Variants in RBM33 observed in about 807,000 individuals in gnomAD.
The protein encoded by RBM33 is RNA-binding protein 33.
Under a neutral mutation model 132.6 loss-of-function variants are expected in RBM33, and 28 were observed. That is an observed-to-expected ratio of 0.21 (90% confidence interval 0.16 to 0.29). The LOEUF (loss-of-function observed/expected upper bound fraction) is 0.29, where lower values mean the gene tolerates loss of function less well. Ranked by LOEUF, RBM33 falls within the 10% of genes least tolerant of loss-of-function variation. The pLI, the probability that RBM33 is intolerant of heterozygous loss-of-function variation, is 1.00. For synonymous variants in RBM33, 634 were observed against 593.0 expected (o/e 1.07, Z -1.01); for missense variants, 1,291 against 1,518.5 (o/e 0.85, Z 2.49).
chr7:155,743,653 T>C lies in RBM33; in HGVS notation c.2338-1308T>C, dbSNP rs1801422253. On this transcript the variant is annotated intron_variant, in intron 13 of 17. Transcript: ENST00000401878. The stretch of plus-strand genomic sequence containing the variant: ...GTTTTGCTTAGCTAAATGTGACTTA[T>C]TTTCGTATGTTCACCCCTCTTGATG... Among the ~76,000 whole-genome samples, 4 of 152,242 alleles carry C rather than the reference T, an allele frequency of 2.6e-5. No individual in the cohort carries two copies. The South Asian group carries it at 8.3e-4, about 32-fold the overall frequency.
At chr7:155,664,409 C>T (rs1027911928) in intron 1 of RBM33, among the ~76,000 whole-genome samples, 4 of 151,660 alleles carry the variant, frequency 2.6e-5, no homozygotes, top group African/African-American at 9.7e-5. Context: ...TACGGACGTG[C>T]ACCTCCGTGC....
At chr7:155,685,089 C>T (rs910461393) in intron 5 of RBM33, 2 of 1,540,692 alleles carry the variant, frequency 1.3e-6, no homozygotes, top group Admixed American at 4.0e-5. Context: ...AAAAAGTTTG[C>T]TGTTTCCCTC....
chr7:155,754,436 G>T (rs1443704191), intron 14 of RBM33, among the ~76,000 whole-genome samples: 2 of 152,192 alleles, frequency 1.3e-5, no homozygotes, highest in Non-Finnish European at 2.9e-5. Context: ...ACTTTTCAGA[G>T]CCTGGGGCTG....
At chr7:155,694,489 ATGTAAAG>A (rs1345545258) in intron 5 of RBM33, among the ~76,000 whole-genome samples, 1 of 152,260 alleles carries the variant, frequency 6.6e-6, no homozygotes, top group Non-Finnish European at 1.5e-5. Flanking sequence ...ATAAGCATAG[ATGTAAAG>A]TGTACAGTAA....
chr7:155,742,711 T>TG (rs1457573618), intron 13 of RBM33, among the ~76,000 whole-genome samples: 2 of 152,242 alleles, frequency 1.3e-5, no homozygotes, highest in African/African-American at 4.8e-5. Flanking sequence ...TATATGTTGT[T>TG]GCTGTTGTTC....
intron 1 of RBM33, among the ~76,000 whole-genome samples, chr7:155,663,501 C>T (rs1798713125): frequency 6.6e-6 from 1 of 152,084 alleles, no homozygotes. Flanking sequence ...TTTACAACAA[C>T]CAGATATCCA....
chr7:155,664,682 C>T (rs1027550948), intron 1 of RBM33, among the ~76,000 whole-genome samples: 3 of 152,186 alleles, frequency 2.0e-5, no homozygotes, highest in Admixed American at 6.5e-5. Flanking sequence ...AATGTGGCTA[C>T]TAGAAAACCT....
intron 14 of RBM33, among the ~76,000 whole-genome samples, chr7:155,759,641 G>A (rs555628986): frequency 3.3e-5 from 5 of 151,946 alleles, no homozygotes; most frequent in South Asian, 2.1e-4. Flanking sequence ...GGATGGTCTC[G>A]ATCTCCTGAC....
chr7:155,739,631 G>A (rs1372449366), intron 11 of RBM33, 84 bp from the exon 12 acceptor site: 1 of 1,410,876 alleles, frequency 7.1e-7, no homozygotes, highest in Non-Finnish European at 9.4e-7. Context: ...TTCTTGTGTT[G>A]AGGTTTTTTA....
intron 14 of RBM33, among the ~76,000 whole-genome samples, chr7:155,754,064 T>C (rs183337279): frequency 6.6e-6 from 1 of 152,330 alleles, no homozygotes. Flanking sequence ...TAAGCATTCT[T>C]AATCATGTGG....
intron 9 of RBM33, among the ~76,000 whole-genome samples, 175 bp from the exon 10 acceptor site, chr7:155,737,355 G>C (rs1474490153): frequency 7.2e-6 from 1 of 139,768 alleles, no homozygotes; most frequent in Non-Finnish European, 1.5e-5. Flanking sequence ...GCATGACTCT[G>C]TGTGTGTGTG....
Position 155,763,956 on chromosome 7 carries a change from C to A in RBM33, c.3124C>A (p.His1042Asn). ...GCCCCCACATCTGCCAGCGGGGCCC[C>A]ACGCACACTCGCCTGTCCCTCCAGG... Reference protein sequence around the residue: ...QQPPHLPAGPHAHSPVPPGIK... With the variant: ...QQPPHLPAGPNAHSPVPPGIK... Residue 1042 changes from histidine to asparagine, a missense_variant, in exon 15 of 18, where the codon CAC becomes AAC. Physicochemically the swap from His to Asn is moderately conservative, Grantham distance 68 (BLOSUM62 1). Transcript: ENST00000401878. 6.3e-7 allele frequency: 1 copy of A among 1,597,850 alleles called. No homozygotes were observed. Among genetic ancestry groups the A allele is most frequent in the East Asian group, 2.3e-5 (1 of 44,154 alleles).
chr7:155,691,902 T>A (rs988108709), intron 5 of RBM33, among the ~76,000 whole-genome samples: 1 of 151,720 alleles, frequency 6.6e-6, no homozygotes, highest in Non-Finnish European at 1.5e-5. Context: ...ATACAAAAAA[T>A]TAGCTAGGTG....
At chr7:155,723,023 C>T (rs1349389118) in intron 9 of RBM33, among the ~76,000 whole-genome samples, 2 of 152,170 alleles carry the variant, frequency 1.3e-5, no homozygotes, top group Admixed American at 1.3e-4. Context: ...TTCTTACTTA[C>T]TTAGACCTGG....
chr7:155,687,273 G>A (rs538490824), intron 5 of RBM33, among the ~76,000 whole-genome samples: 1 of 152,326 alleles, frequency 6.6e-6, no homozygotes, highest in South Asian at 2.1e-4. Context: ...CTGCATAAAT[G>A]TCTTCTTTTG....
rs1266789042 is a variant in RBM33, at chr7:155,775,122, C to T, written c.*81C>T. The T allele has an allele frequency of 8.1e-7, 1 of 1,234,836 alleles. No homozygotes were observed. The highest frequency in any genetic ancestry group is 2.3e-5 in the East Asian group (1 of 43,078). The allele number at this position is 1,234,836 out of a possible 1,614,324, so 76.5% of individuals were successfully genotyped here. ...GGGAGCTGCCGGCCGGCGCAGAACCCCCAGGAGCACAGGTCTCTCCGGGCC... is the reference window on the plus strand; with the variant it reads ...GGGAGCTGCCGGCCGGCGCAGAACCTCCAGGAGCACAGGTCTCTCCGGGCC... On this transcript the variant is annotated 3_prime_UTR_variant, in exon 18 of 18. Coordinates refer to ENST00000401878, the MANE Select transcript of RBM33 (RefSeq NM_053043.3).
chr7:155,774,757 T>C lies in RBM33; in HGVS notation c.3464+110T>C, dbSNP rs922759297. 16 of 961,606 alleles carry C rather than the reference T, an allele frequency of 1.7e-5. No homozygotes were observed. The African/African-American group carries it at 2.4e-4, about 15-fold the overall frequency. 59.6% of individuals were successfully genotyped at this position (961,606 alleles called of 1,614,324 possible). The stretch of plus-strand genomic sequence containing the variant: ...AAGCGTGTGTCCCCACCTGTTCCTG[T>C]AGAAGGACACTAGGGCACAAAGCGC... On this transcript the variant is annotated intron_variant, in intron 17 of 17. Transcript: ENST00000401878. The surrounding 1 kb of genome is among the most constrained non-coding windows in gnomAD (Gnocchi z 4.2).
intron 8 of RBM33, among the ~76,000 whole-genome samples, chr7:155,717,543 G>T (rs942118170): frequency 6.9e-6 from 1 of 144,620 alleles, no homozygotes; most frequent in Non-Finnish European, 1.5e-5. Flanking sequence ...GTGGGGGCGG[G>T]GGGAGGGAGT....
rs761390725 is a variant in RBM33, at chr7:155,665,165, G to A, written c.44-10G>A. 3.3e-5 allele frequency: 53 copies of A among 1,613,150 alleles called. No homozygotes were observed. The highest frequency in any genetic ancestry group is 4.4e-5 in the Non-Finnish European group (52 of 1,179,278). ...TTAGTAAAACTGACTTCAATGGACT[G>A]TTCTCATAGATGATGACTTTGACCA... On this transcript the variant is annotated splice_polypyrimidine_tract_variant and intron_variant, in intron 1 of 17. Coordinates refer to ENST00000401878, the MANE Select transcript of RBM33 (RefSeq NM_053043.3).
Sources: gnomAD v4.1 joint callset for allele counts (sites outside exome capture counted in the v4.1 genomes callset) on GRCh38, gnomAD v4.1.1 for gene constraint, Gnocchi (gnomAD v3.1) non-coding constraint, MANE v1.5 for transcripts, NCBI Gene and HGNC (gene_info 2026-07-23, HGNC 2026-07-21) for gene names.